LINGO2: variants seen among roughly 807,000 people sequenced by gnomAD.
The protein encoded by LINGO2 is leucine-rich repeat and immunoglobulin-like domain-containing nogo receptor-interacting protein 2.
Under a neutral mutation model 30.6 loss-of-function variants are expected in LINGO2, and 14 were observed. That is an observed-to-expected ratio of 0.46 (90% CI 0.30 to 0.72). The LOEUF is 0.72. Ranked by LOEUF, LINGO2 falls within the 30% of genes least tolerant of loss-of-function variation. The pLI is 0.07. For missense variants in LINGO2, 729 were observed against 751.7 expected, an observed-to-expected ratio of 0.97 and a Z score of 0.35; for synonymous variants, 317 against 288.5, an observed-to-expected ratio of 1.10 and a Z score of -1.00.
intron 4 of LINGO2, among the ~76,000 whole-genome samples, chr9:28,014,990 T>C (rs1039405963): frequency 1.3e-5 from 2 of 152,106 alleles, no homozygotes; most frequent in South Asian, 2.1e-4. Flanking sequence ...AATGTGGTGA[T>C]AAAAAACAAA....
chr9:28,060,554 T>C (rs569018825), intron 4 of LINGO2, among the ~76,000 whole-genome samples: 24 of 152,270 alleles, frequency 1.6e-4, no homozygotes, highest in African/African-American at 5.5e-4. Flanking sequence ...TAAGTAAATC[T>C]GTGATTTTAA....
chr9:28,745,870 ATTGGACTAAATCACTTCTAAAG>A, the LINGO2 span, among the ~76,000 whole-genome samples: 304 of 152,130 alleles, frequency 2.0e-3, 6 homozygotes, highest in Non-Finnish European at 1.2e-3. Flanking sequence ...TATAGCAAAA[ATTGGACTAAATCACTTCTAAAG>A]TTCTTGTCAG....
chr9:28,460,431 C>G (rs1825031517), intron 2 of LINGO2, among the ~76,000 whole-genome samples: 1 of 152,074 alleles, frequency 6.6e-6, no homozygotes, highest in South Asian at 2.1e-4. Flanking sequence ...AAACATATTT[C>G]CCAATACTAA....
chr9:28,169,653 G>C (rs1461880866), intron 4 of LINGO2, among the ~76,000 whole-genome samples: 1 of 152,100 alleles, frequency 6.6e-6, no homozygotes, highest in African/African-American at 2.4e-5. Flanking sequence ...TTTATTGAAT[G>C]GACACGAGAG....
At chr9:28,560,817 C>T (rs543296408) in intron 1 of LINGO2, among the ~76,000 whole-genome samples, 2 of 151,916 alleles carry the variant, frequency 1.3e-5, no homozygotes, top group Non-Finnish European at 1.5e-5. Flanking sequence ...CAGGTGCACA[C>T]CACCATGCTT....
chr9:29,011,701 A>C, the LINGO2 span, among the ~76,000 whole-genome samples: 1 of 152,166 alleles, frequency 6.6e-6, no homozygotes, highest in African/African-American at 2.4e-5. Context: ...TCCATCATCT[A>C]CATTGACATA....
chr9:28,694,524 G>C, the LINGO2 span, among the ~76,000 whole-genome samples: 111 of 152,096 alleles, frequency 7.3e-4, no homozygotes, highest in African/African-American at 2.1e-3. Context: ...ATCAGGTAAT[G>C]CTTACTTACA....
rs191944516 is a variant in LINGO2 at position 28,562,107 on chromosome 9, A to G, written c.-364-86082T>C. On this transcript the variant is annotated intron_variant, in intron 1 of 5. Coordinates refer to ENST00000379992, the Ensembl canonical transcript of LINGO2. Reference sequence around the variant, plus strand: ...GCAGAGATTGCAGGGAACTACAAGAAGGGTCCACATAATATGGTGTGTTAC... The same window carrying G: ...GCAGAGATTGCAGGGAACTACAAGAGGGGTCCACATAATATGGTGTGTTAC... Among the ~76,000 whole-genome samples, 3 of 152,128 alleles carry G rather than the reference A, an allele frequency of 2.0e-5. No individual in the cohort carries two copies. The East Asian group carries it at 5.8e-4, about 29-fold the overall frequency.
the LINGO2 span, among the ~76,000 whole-genome samples, chr9:28,763,165 A>T: frequency 6.6e-6 from 1 of 152,052 alleles, no homozygotes; most frequent in African/African-American, 2.4e-5. Context: ...AATTAAAAAC[A>T]CAAATCAGAC....
chr9:28,172,030 AAAAC>A (rs1554682037), intron 4 of LINGO2, among the ~76,000 whole-genome samples: 1 of 75,120 alleles, frequency 1.3e-5, no homozygotes, highest in Non-Finnish European at 2.7e-5. Context: ...AAAAAAAAAA[AAAAC>A]AAAAAAAAAA....
At chr9:28,140,638 C>T (rs1394842746) in intron 4 of LINGO2, among the ~76,000 whole-genome samples, 1 of 152,198 alleles carries the variant, frequency 6.6e-6, no homozygotes, top group Non-Finnish European at 1.5e-5. Context: ...AATGAAATAT[C>T]TCCTGTGAAG....
At chr9:28,000,276 A>G (rs1429737300) in intron 5 of LINGO2, among the ~76,000 whole-genome samples, 8 of 152,208 alleles carry the variant, frequency 5.3e-5, no homozygotes, top group Non-Finnish European at 1.2e-4. Flanking sequence ...TTTCCCACTG[A>G]AAGAACATTA....
At chr9:28,544,043 A>C (rs577785028) in intron 1 of LINGO2, among the ~76,000 whole-genome samples, 15 of 152,104 alleles carry the variant, frequency 9.9e-5, no homozygotes, top group East Asian at 1.9e-4. Context: ...TGTCTACTAA[A>C]AATACAAAAA....
chr9:28,371,015 C>T (rs531875369), intron 3 of LINGO2, among the ~76,000 whole-genome samples: 178 of 152,198 alleles, frequency 1.2e-3, no homozygotes, highest in African/African-American at 3.9e-3. Flanking sequence ...ATAGAGTGCA[C>T]GTAAATGGAA....
intron 1 of LINGO2, among the ~76,000 whole-genome samples, chr9:28,638,233 G>C (rs1827382212): frequency 6.6e-6 from 1 of 152,158 alleles, no homozygotes; most frequent in Non-Finnish European, 1.5e-5. Context: ...GTATTTAATT[G>C]AGGATTTCTG....
intron 2 of LINGO2, among the ~76,000 whole-genome samples, chr9:28,409,224 C>T (rs1241069887): frequency 6.6e-6 from 1 of 152,050 alleles, no homozygotes; most frequent in East Asian, 1.9e-4. Flanking sequence ...TAATTATTTT[C>T]TGTGATCCCG....
At chr9:28,355,249 C>G (rs1172551499) in intron 3 of LINGO2, among the ~76,000 whole-genome samples, 1 of 68,354 alleles carries the variant, frequency 1.5e-5, no homozygotes, top group South Asian at 7.6e-4. Context: ...CTCTGTCTCT[C>G]TCTCTGTCTC....
chr9:27,981,561 A>G (rs1820870645), intron 5 of LINGO2, among the ~76,000 whole-genome samples: 1 of 121,770 alleles, frequency 8.2e-6, no homozygotes, highest in African/African-American at 3.0e-5. Context: ...GAAAAAAAAG[A>G]AAAAAAAAGA....
intron 2 of LINGO2, among the ~76,000 whole-genome samples, chr9:28,397,355 G>GTATATATATATATATATATACA (rs3069833): frequency 7.7e-6 from 1 of 129,138 alleles, no homozygotes; most frequent in Non-Finnish European, 1.7e-5. Context: ...ATGTTTTGAA[G>GTATATATATATATATATATACA]TATATATATA....
Sources: gnomAD v4.1 joint callset for allele counts (sites outside exome capture counted in the v4.1 genomes callset) on GRCh38, gnomAD v4.1.1 for gene constraint, MANE v1.5 for transcripts, NCBI Gene and HGNC (gene_info 2026-07-23, HGNC 2026-07-21) for gene names.